Variants in CAMTA1 observed in about 807,000 individuals in gnomAD.
CAMTA1 encodes calmodulin-binding transcription activator 1.
CAMTA1 carries 27 observed loss-of-function variants against 170.9 expected under a neutral mutation model. The observed-to-expected ratio is 0.16, with a 90% CI of 0.12 to 0.22. CAMTA1 has a LOEUF of 0.22. Ranked by LOEUF, CAMTA1 falls within the 10% of genes least tolerant of loss-of-function variation. The pLI, the probability that CAMTA1 is intolerant of heterozygous loss-of-function variation, is 1.00. For missense variants in CAMTA1, 1,619 were observed against 2,217.2 expected (o/e 0.73, Z 5.42); for synonymous variants, 833 against 891.5 (o/e 0.93, Z 1.17).
chr1:6,837,520 C>T (rs1411141718), intron 3 of CAMTA1, among the ~76,000 whole-genome samples: 2 of 152,176 alleles, frequency 1.3e-5, no homozygotes, highest in Middle Eastern at 3.2e-3. Context: ...ATGCCATCTG[C>T]TTCCCATTTC....
rs1645420320 is a variant in CAMTA1 at position 6,813,467 on chromosome 1, CT to C, written c.46-6713del. Reference sequence around the variant, plus strand: ...CTCTGAAAACTGTTGAGTATTCCCCCTACTCCTTTTAAGTTTTTTTTTTTTT... The same window carrying C: ...CTCTGAAAACTGTTGAGTATTCCCCCACTCCTTTTAAGTTTTTTTTTTTTT... On this transcript the variant is annotated intron_variant, in intron 1 of 22. Coordinates refer to ENST00000303635, the MANE Select transcript of CAMTA1 (RefSeq NM_015215.4). Among the ~76,000 whole-genome samples the C allele has an allele frequency of 4.0e-5, 6 of 150,844 alleles. No homozygotes were observed. In the South Asian group the frequency reaches 1.3e-3, roughly 31 times the overall value.
Position 7,532,380 on chromosome 1 carries a change from C to T in CAMTA1, c.510+64479C>T, listed in dbSNP as rs986519504. 7.9e-5 allele frequency among the ~76,000 whole-genome samples: 12 copies of T among 152,182 alleles called. No individual in the cohort carries two copies. Among genetic ancestry groups the T allele is most frequent in the African/African-American group, 2.4e-4 (10 of 41,440 alleles). On this transcript the variant is annotated intron_variant, in intron 6 of 22. Coordinates refer to ENST00000303635, the MANE Select transcript of CAMTA1 (RefSeq NM_015215.4). This position sits in a 1 kb window ranked among gnomAD's most constrained non-coding sequence, Gnocchi z 4.2. ...GCAGTGGTATAGTCACAGCACACCGCAGCCTCCTGGGCTCAAGTGATCCTC... is the reference window on the plus strand; with the variant it reads ...GCAGTGGTATAGTCACAGCACACCGTAGCCTCCTGGGCTCAAGTGATCCTC...
chr1:7,576,009 T>C (rs2095187271), intron 6 of CAMTA1, among the ~76,000 whole-genome samples: 1 of 151,872 alleles, frequency 6.6e-6, no homozygotes, highest in South Asian at 2.1e-4. Flanking sequence ...CAGTTTTGTT[T>C]TGTTTTGTTT....
intron 3 of CAMTA1, among the ~76,000 whole-genome samples, chr1:7,062,459 C>CCGGG (rs1368149485): frequency 6.6e-6 from 1 of 152,092 alleles, no homozygotes. Context: ...GCTGCCCAGC[C>CCGGG]CGGGGGTGAG....
intron 5 of CAMTA1, among the ~76,000 whole-genome samples, chr1:7,401,914 C>T: frequency 6.6e-6 from 1 of 152,100 alleles, no homozygotes; most frequent in South Asian, 2.1e-4. Flanking sequence ...CAGGAGCAGC[C>T]CTGGGAACTA....
intron 5 of CAMTA1, among the ~76,000 whole-genome samples, chr1:7,374,858 G>A (rs1217793087): frequency 6.6e-6 from 1 of 152,226 alleles, no homozygotes; most frequent in African/African-American, 2.4e-5. Flanking sequence ...GTGGCTTCTG[G>A]TCGCAGAGCT....
intron 6 of CAMTA1, among the ~76,000 whole-genome samples, chr1:7,528,006 G>A (rs559861134): frequency 7.9e-5 from 12 of 152,270 alleles, no homozygotes; most frequent in Admixed American, 6.5e-4. Context: ...CACTAGAGAC[G>A]GAGCCCTGGG....
intron 4 of CAMTA1, among the ~76,000 whole-genome samples, chr1:7,184,537 A>T (rs1315366725): frequency 6.6e-6 from 1 of 152,184 alleles, no homozygotes; most frequent in Non-Finnish European, 1.5e-5. Flanking sequence ...AAAGTAAAAA[A>T]GTAAAATAAG....
At chr1:6,924,161 CTG>C (rs1333787503) in intron 3 of CAMTA1, among the ~76,000 whole-genome samples, 7 of 152,242 alleles carry the variant, frequency 4.6e-5, no homozygotes, top group Non-Finnish European at 1.5e-5. Flanking sequence ...ATGCCAGGCA[CTG>C]TTCCCGGGAC....
At chr1:7,261,752 A>G (rs953962447) in intron 5 of CAMTA1, among the ~76,000 whole-genome samples, 1 of 152,242 alleles carries the variant, frequency 6.6e-6, no homozygotes. Flanking sequence ...CGGAGCTCCC[A>G]GGTAACATTC....
intron 3 of CAMTA1, among the ~76,000 whole-genome samples, chr1:6,944,954 T>A (rs1196032732): frequency 2.6e-5 from 4 of 152,190 alleles, no homozygotes; most frequent in South Asian, 4.1e-4. Flanking sequence ...TTAATGACAT[T>A]TTCAGCTTAC....
intron 5 of CAMTA1, among the ~76,000 whole-genome samples, chr1:7,417,369 C>G (rs2149293217): frequency 6.6e-6 from 1 of 152,362 alleles, no homozygotes; most frequent in Non-Finnish European, 1.5e-5. Flanking sequence ...TGCCCTGCCC[C>G]CAGAGGTGGA....
intron 3 of CAMTA1, among the ~76,000 whole-genome samples, chr1:6,868,106 G>C (rs1476267921): frequency 6.6e-6 from 1 of 152,024 alleles, no homozygotes; most frequent in Admixed American, 6.6e-5. Context: ...AAGCGTGCCT[G>C]GCCTGGGTAG....
intron 11 of CAMTA1, among the ~76,000 whole-genome samples, chr1:7,697,878 C>G (rs1305896625): frequency 6.6e-6 from 1 of 152,188 alleles, no homozygotes; most frequent in South Asian, 2.1e-4. Flanking sequence ...GGACCATTAT[C>G]TCTGGCCGTA....
chr1:7,300,699 G>C lies in CAMTA1; in HGVS notation c.438+51073G>C, dbSNP rs1349999568. Among the ~76,000 whole-genome samples the C allele has an allele frequency of 6.6e-6, 1 of 152,046 alleles. No individual in the cohort carries two copies. The highest frequency in any genetic ancestry group is 1.9e-4 in the East Asian group (1 of 5,178). On this transcript the variant is annotated intron_variant, in intron 5 of 22. Transcript: ENST00000303635. The surrounding 1 kb of genome is among the most constrained non-coding windows in gnomAD (Gnocchi z 4.1). ...GTCTCAAAAAAAAAAAAATTGTATA[G>C]ATATTGATTAAAGCAGAACCCTGAA...
intron 3 of CAMTA1, among the ~76,000 whole-genome samples, chr1:6,878,397 A>G (rs1670541866): frequency 6.6e-6 from 1 of 152,252 alleles, no homozygotes; most frequent in African/African-American, 2.4e-5. Flanking sequence ...CTAGATCACA[A>G]AAGCTGACAA....
At chr1:6,876,069 A>G (rs1222336198) in intron 3 of CAMTA1, among the ~76,000 whole-genome samples, 1 of 152,198 alleles carries the variant, frequency 6.6e-6, no homozygotes, top group Non-Finnish European at 1.5e-5. Flanking sequence ...TCCATGAGTG[A>G]GCACTTGATC....
chr1:7,696,463 G>A (rs1299870602), intron 11 of CAMTA1, among the ~76,000 whole-genome samples: 1 of 150,972 alleles, frequency 6.6e-6, no homozygotes, highest in Non-Finnish European at 1.5e-5. Flanking sequence ...CAAAGTGCTG[G>A]GATTACAGGC....
chr1:7,484,317 T>C (rs2149651600), intron 6 of CAMTA1, among the ~76,000 whole-genome samples: 1 of 152,316 alleles, frequency 6.6e-6, no homozygotes, highest in South Asian at 2.1e-4. Context: ...AGGGTTGTCC[T>C]GATGCAGCCG....
Sources: allele counts gnomAD v4.1 joint callset (sites outside exome capture counted in the v4.1 genomes callset), GRCh38; gene constraint gnomAD v4.1.1; non-coding constraint Gnocchi (gnomAD v3.1); transcripts MANE v1.5; gene names NCBI Gene and HGNC (gene_info 2026-07-23, HGNC 2026-07-21).